MICU2: variants seen among roughly 807,000 people sequenced by gnomAD.
The protein encoded by MICU2 is mitochondrial calcium uptake 2, also known as calcium uptake protein 2, mitochondrial.
A neutral mutation model predicts 60.4 loss-of-function variants in MICU2; 64 were observed. The ratio of observed to expected loss-of-function variants is 1.06; its 90% CI spans 0.87 to 1.31. The LOEUF (loss-of-function observed/expected upper bound fraction) is 1.31, where lower values mean the gene tolerates loss of function less well. Ranked by LOEUF, MICU2 falls within the 50% of genes most tolerant of loss-of-function variation. The pLI, the probability that MICU2 is intolerant of heterozygous loss-of-function variation, is 0.00. For missense variants in MICU2, 569 were observed against 531.0 expected, an observed-to-expected ratio of 1.07 and a Z score of -0.70; for synonymous variants, 201 against 175.0, an observed-to-expected ratio of 1.15 and a Z score of -1.17.
chr13:21,593,846 T>C (rs960169905), intron 1 of MICU2, among the ~76,000 whole-genome samples: 3 of 152,174 alleles, frequency 2.0e-5, no homozygotes, highest in Non-Finnish European at 1.5e-5. Flanking sequence ...AAACAGAAAC[T>C]GGACGCCTTC....
intron 1 of MICU2, among the ~76,000 whole-genome samples, chr13:21,594,655 A>G (rs151040039): frequency 0.021 from 3,262 of 152,354 alleles, 58 homozygotes; most frequent in Middle Eastern, 0.061. Context: ...CAGATTGAAT[A>G]AAGAAAATGT....
At chr13:21,565,544 G>A (rs1264389712) in intron 2 of MICU2, among the ~76,000 whole-genome samples, 3 of 152,242 alleles carry the variant, frequency 2.0e-5, no homozygotes, top group East Asian at 3.9e-4. Flanking sequence ...TGTAATCCCA[G>A]ACACTTGAGA....
chr13:21,534,460 G>C (rs1023992888), intron 4 of MICU2, among the ~76,000 whole-genome samples: 1 of 152,136 alleles, frequency 6.6e-6, no homozygotes, highest in South Asian at 2.1e-4. Flanking sequence ...TTCTGCCTTG[G>C]CCTCCCAAAG....
intron 7 of MICU2, among the ~76,000 whole-genome samples, chr13:21,511,500 AC>A (rs1886426643): frequency 6.6e-6 from 1 of 152,218 alleles, no homozygotes; most frequent in African/African-American, 2.4e-5. Context: ...ATTTTGGGAT[AC>A]CTATAGATTT....
intron 1 of MICU2, among the ~76,000 whole-genome samples, chr13:21,578,806 A>C (rs1189314704): frequency 6.6e-6 from 1 of 152,142 alleles, no homozygotes; most frequent in Non-Finnish European, 1.5e-5. Flanking sequence ...ATTACTTTAG[A>C]TTTTAAAAAT....
At chr13:21,522,292 C>T (rs1322823220) in intron 5 of MICU2, among the ~76,000 whole-genome samples, 1 of 152,152 alleles carries the variant, frequency 6.6e-6, no homozygotes, top group East Asian at 1.9e-4. Context: ...GACCTTCACA[C>T]TTTGAAGAGT....
chr13:21,539,455 T>A, intron 3 of MICU2, 78 bp from the exon 4 acceptor site: 1 of 1,397,894 alleles, frequency 7.2e-7, no homozygotes, highest in East Asian at 2.3e-5. Context: ...CCCACCTCCA[T>A]AGCCGGCTAA....
chr13:21,560,541 A>AT (rs1460122502), intron 2 of MICU2, among the ~76,000 whole-genome samples: 2 of 151,986 alleles, frequency 1.3e-5, no homozygotes, highest in East Asian at 1.9e-4. Context: ...TAACTTCTCC[A>AT]TTTTTTTCCT....
At chr13:21,596,429 CTTTTTT>C (rs373445165) in intron 1 of MICU2, among the ~76,000 whole-genome samples, 79 of 145,088 alleles carry the variant, frequency 5.4e-4, no homozygotes, top group African/African-American at 1.9e-3. Flanking sequence ...CATTCAGGTT[CTTTTTT>C]TTTTTTGAGA....
At position 21,495,251 on chromosome 13, in the gene MICU2, GAC is replaced by G; in HGVS notation, c.1108_1109del (p.Val370LeufsTer2). 6.2e-7 allele frequency: 1 copy of G among 1,613,446 alleles called. No homozygotes were observed. Among genetic ancestry groups the G allele is most frequent in the Non-Finnish European group, 8.5e-7 (1 of 1,179,676 alleles). ...CACCATCCAAATCAAAGATCTTAAAGACAGTGTCCAAAATATTGTTTGAGAGT... is the reference window on the plus strand; with the variant it reads ...CACCATCCAAATCAAAGATCTTAAAGAGTGTCCAAAATATTGTTTGAGAGT... Reference protein sequence around the residue: ...QELSNNILDTVFKIFDLDGDE... With the variant: ...QELSNNILDTXFKIFDLDGDE... On this transcript the variant is annotated frameshift_variant, in exon 11 of 12. Transcript: ENST00000382374. LOFTEE classifies it high-confidence loss of function.
At chr13:21,540,826 T>C (rs1380637616) in intron 2 of MICU2, among the ~76,000 whole-genome samples, 1 of 152,120 alleles carries the variant, frequency 6.6e-6, no homozygotes, top group African/African-American at 2.4e-5. Context: ...AATTACCATT[T>C]ATTGGACAAA....
intron 1 of MICU2, among the ~76,000 whole-genome samples, chr13:21,595,854 C>G (rs1403162369): frequency 6.6e-6 from 1 of 152,244 alleles, no homozygotes; most frequent in African/African-American, 2.4e-5. Context: ...ACGGTCCACT[C>G]TCCTTCAGCC....
intron 2 of MICU2, among the ~76,000 whole-genome samples, chr13:21,551,678 A>T: frequency 6.8e-6 from 1 of 146,996 alleles, no homozygotes; most frequent in Non-Finnish European, 1.5e-5. Flanking sequence ...ATGAGTGAGA[A>T]CATGCAGTGT....
intron 1 of MICU2, among the ~76,000 whole-genome samples, chr13:21,590,348 C>G: frequency 6.6e-6 from 1 of 152,126 alleles, no homozygotes; most frequent in Non-Finnish European, 1.5e-5. Flanking sequence ...AAAGTAAGCT[C>G]CATAAGCGAA....
Position 21,539,637 on chromosome 13 carries a change from C to A in MICU2, c.390+20G>T. 1 of 1,614,024 alleles carries A rather than the reference C, an allele frequency of 6.2e-7. No homozygotes were observed. The highest frequency in any genetic ancestry group is 8.5e-7 in the Non-Finnish European group (1 of 1,179,938). On this transcript the variant is annotated intron_variant, in intron 3 of 11. Transcript: ENST00000382374. ...TATCTTACCAAAAACAAACCCTGCC[C>A]CCCACAACATGATGCTTACCTTTTT...
At chr13:21,558,873 T>G (rs550495452) in intron 2 of MICU2, among the ~76,000 whole-genome samples, 1 of 152,140 alleles carries the variant, frequency 6.6e-6, no homozygotes, top group Admixed American at 6.5e-5. Flanking sequence ...AGAACTAGCC[T>G]CAAAAACAAG....
rs1405495289 is a variant in MICU2 at position 21,593,581 on chromosome 13, A to AC, written c.210+10357_210+10358insG. On this transcript the variant is annotated intron_variant, in intron 1 of 11. Transcript: ENST00000382374. ...AAAGACAATCCTAAGCAAAAAAAAA[A>AC]AAAAAAAAAAAAACAAAGCTGGAGG... Among the ~76,000 whole-genome samples the AC allele has an allele frequency of 4.7e-5, 7 of 149,502 alleles. No homozygotes were observed. In the East Asian group the frequency reaches 5.8e-4, roughly 12 times the overall value.
intron 2 of MICU2, among the ~76,000 whole-genome samples, chr13:21,558,126 C>T (rs996949385): frequency 1.3e-5 from 2 of 152,210 alleles, no homozygotes; most frequent in African/African-American, 4.8e-5. Flanking sequence ...GTTGTTACTG[C>T]TATCTGCTTA....
In MICU2 at chr13:21,503,103, T is replaced by C. The variant is rs956656900; in HGVS notation, c.762-6A>G. 2 of 1,580,562 alleles carry C rather than the reference T, an allele frequency of 1.3e-6. No homozygotes were observed. Among genetic ancestry groups the C allele is most frequent in the African/African-American group, 2.7e-5 (2 of 73,142 alleles). Reference sequence around the variant, plus strand: ...TTTGTAAATTTTCCATAAATCTGAATGTTAAAATACAAAATTAGTAAGGTA... The same window carrying C: ...TTTGTAAATTTTCCATAAATCTGAACGTTAAAATACAAAATTAGTAAGGTA... On this transcript the variant is annotated splice_region_variant and splice_polypyrimidine_tract_variant and intron_variant, in intron 8 of 11. Transcript: ENST00000382374.
Sources: gnomAD v4.1 joint callset for allele counts (sites outside exome capture counted in the v4.1 genomes callset) on GRCh38, gnomAD v4.1.1 for gene constraint, MANE v1.5 for transcripts, NCBI Gene and HGNC (gene_info 2026-07-23, HGNC 2026-07-21) for gene names.